Variants in MYO1H observed in about 807,000 individuals in gnomAD.
MYO1H encodes the protein myosin IH, also known as unconventional myosin-Ih.
Under a neutral mutation model 149.3 loss-of-function variants are expected in MYO1H, and 118 were observed. That is an observed-to-expected ratio of 0.79 (90% CI 0.68 to 0.92). The LOEUF is 0.92. Among genes scored for constraint, MYO1H ranks in the 40% least tolerant of loss-of-function variants. The pLI is 0.00. For missense variants in MYO1H, 1,212 were observed against 1,280.7 expected (o/e 0.95, Z 0.82); for synonymous variants, 447 against 465.2 (o/e 0.96, Z 0.50).
chr12:109,409,054 G>A (rs144819328), intron 10 of MYO1H, among the ~76,000 whole-genome samples: 3,827 of 152,140 alleles, frequency 0.025, 60 homozygotes, highest in South Asian at 0.052. Context: ...GCCTCCCAAA[G>A]TGCTGGGATT....
At chr12:109,394,440 G>A (rs964041182) in intron 3 of MYO1H, among the ~76,000 whole-genome samples, 4 of 152,216 alleles carry the variant, frequency 2.6e-5, no homozygotes, top group East Asian at 1.9e-4. Context: ...ACTTGAGTAC[G>A]TTTTTAGGCC....
chr12:109,310,963 A>G, the MYO1H span, among the ~76,000 whole-genome samples: 9 of 152,366 alleles, frequency 5.9e-5, no homozygotes, highest in South Asian at 1.7e-3. Context: ...GTTGCTTTGA[A>G]TGTCCCTGAA....
At chr12:109,333,186 G>A in the MYO1H span, among the ~76,000 whole-genome samples, 3 of 152,096 alleles carry the variant, frequency 2.0e-5, no homozygotes, top group African/African-American at 7.2e-5. Context: ...CAGGCGTGGT[G>A]GCAGGTGCCT....
intron 14 of MYO1H, among the ~76,000 whole-genome samples, chr12:109,414,653 G>C (rs770423233): frequency 6.6e-6 from 1 of 152,088 alleles, no homozygotes; most frequent in Non-Finnish European, 1.5e-5. Flanking sequence ...ATGTGTTTCT[G>C]TGGCTCAGTT....
At chr12:109,429,809 G>A (rs180865015) in intron 19 of MYO1H, among the ~76,000 whole-genome samples, 9 of 152,280 alleles carry the variant, frequency 5.9e-5, no homozygotes, top group Middle Eastern at 3.4e-3. Flanking sequence ...TGGTGTCTTA[G>A]TCTGTTTGGG....
exon 24 of MYO1H, chr12:109,439,695 T>A (rs763160895): frequency 1.2e-6 from 2 of 1,613,882 alleles, no homozygotes; most frequent in South Asian, 2.2e-5. Flanking sequence ...ATTTATCGTG[T>A]TTGTGCGGAA....
chr12:109,401,853 TCTCAGC>T (rs1309619397), intron 6 of MYO1H, among the ~76,000 whole-genome samples: 1 of 151,808 alleles, frequency 6.6e-6, no homozygotes, highest in African/African-American at 2.4e-5. Flanking sequence ...GATCCTCCCA[TCTCAGC>T]CTCCCAAGTA....
intron 1 of MYO1H, among the ~76,000 whole-genome samples, chr12:109,368,070 T>A (rs1428265002): frequency 6.6e-6 from 1 of 152,218 alleles, no homozygotes; most frequent in Non-Finnish European, 1.5e-5. Context: ...CCAAATTGTC[T>A]TGACCTAGCA....
At chr12:109,441,548 C>G in intron 25 of MYO1H, 67 bp from the exon 26 acceptor site, 1 of 1,068,822 alleles carries the variant, frequency 9.4e-7, no homozygotes, top group Non-Finnish European at 1.4e-6. Context: ...CTCAATGGGT[C>G]TAGAGCTCTT....
chr12:109,367,272 A>C (rs187771262), intron 1 of MYO1H, among the ~76,000 whole-genome samples: 105 of 152,328 alleles, frequency 6.9e-4, no homozygotes, highest in Non-Finnish European at 1.3e-3. Flanking sequence ...ATGAAAGACA[A>C]AAATAAGTTC....
the MYO1H span, among the ~76,000 whole-genome samples, chr12:109,325,329 G>A: frequency 7.2e-5 from 11 of 152,108 alleles, no homozygotes; most frequent in South Asian, 4.1e-4. Flanking sequence ...TAGAACAAGC[G>A]ATGGGGAAAG....
intron 1 of MYO1H, among the ~76,000 whole-genome samples, chr12:109,358,846 T>TAAAAAAAAAAAAAAAAAA (rs541289093): frequency 1.2e-5 from 1 of 84,558 alleles, no homozygotes; most frequent in African/African-American, 5.6e-5. Context: ...CCTGTGGTGT[T>TAAAAAAAAAAAAAAAAAA]AAAAAAAAAA....
chr12:109,368,457 A>T (rs1411270393), intron 1 of MYO1H, among the ~76,000 whole-genome samples: 1 of 152,076 alleles, frequency 6.6e-6, no homozygotes. Context: ...GGAGTTTGAG[A>T]CCATCCTGGG....
intron 16 of MYO1H, among the ~76,000 whole-genome samples, chr12:109,421,295 A>G (rs2075440): frequency 0.51 from 77,185 of 151,874 alleles, 20,456 homozygotes; most frequent in African/African-American, 0.64. Context: ...TGGAGCTCTT[A>G]TTCTCGTGGG....
intron 30 of MYO1H, 66 bp from the exon 31 acceptor site, chr12:109,445,447 T>C: frequency 8.3e-7 from 1 of 1,198,822 alleles, no homozygotes; most frequent in East Asian, 2.4e-5. Context: ...GAATTTCTTC[T>C]GTAGACCAAA....
exon 32 of MYO1H, chr12:109,447,346 A>C: frequency 1.5e-6 from 1 of 689,440 alleles, no homozygotes; most frequent in South Asian, 1.6e-5. Flanking sequence ...CCAAAGCCTA[A>C]TCCCAGCTCC....
At chr12:109,393,521 A>C in intron 3 of MYO1H, 75 bp downstream of exon 3, 2 of 939,720 alleles carry the variant, frequency 2.1e-6, no homozygotes, top group Non-Finnish European at 3.3e-6. Context: ...CCTTCTCACC[A>C]CGCATCTGTC....
chr12:109,446,394 T>A, intron 31 of MYO1H: 1 of 985,408 alleles, frequency 1.0e-6, no homozygotes, highest in Non-Finnish European at 1.2e-6. Context: ...AGAATTTTGA[T>A]ACAAATTAAT....
intron 1 of MYO1H, among the ~76,000 whole-genome samples, chr12:109,350,793 A>T (rs34450456): frequency 0.47 from 71,945 of 152,024 alleles, 17,663 homozygotes; most frequent in African/African-American, 0.59. Flanking sequence ...TAGGTAATTT[A>T]AAAAAGATTT....
Sources: allele counts gnomAD v4.1 joint callset (sites outside exome capture counted in the v4.1 genomes callset), GRCh38; gene constraint gnomAD v4.1.1; transcripts MANE v1.5; gene names NCBI Gene and HGNC (gene_info 2026-07-23, HGNC 2026-07-21).